WDR4: variants seen among roughly 807,000 people sequenced by gnomAD.
WDR4 encodes tRNA (guanine-N(7)-)-methyltransferase non-catalytic subunit WDR4.
A neutral mutation model predicts 48.6 loss-of-function variants in WDR4; 47 were observed. That is an observed-to-expected ratio of 0.97 (90% CI 0.77 to 1.23). WDR4 has a LOEUF of 1.23. Among genes scored for constraint, WDR4 ranks in the 50% most tolerant of loss-of-function variants. The pLI is 0.00. For missense variants in WDR4, 606 were observed against 551.6 expected, an observed-to-expected ratio of 1.10 and a Z score of -0.99; for synonymous variants, 268 against 230.0, an observed-to-expected ratio of 1.17 and a Z score of -1.49.
At chr21:42,851,069 C>T (rs987232755) in intron 10 of WDR4, among the ~76,000 whole-genome samples, 5 of 152,204 alleles carry the variant, frequency 3.3e-5, no homozygotes, top group African/African-American at 9.6e-5. Context: ...CCCAAGTCTG[C>T]GCCGGGAACA....
Position 42,876,687 on chromosome 21 carries a change from T to C in WDR4, c.155+15A>G, listed in dbSNP as rs777716071. The C allele has an allele frequency of 6.2e-7, 1 of 1,611,880 alleles. No individual in the cohort carries two copies. The highest frequency in any genetic ancestry group is 8.5e-7 in the Non-Finnish European group (1 of 1,179,254). ...CCATTAAAGCAGGCCCTGAAAAAGCTTCCCCACATCTCACCCTTTATTTTC... is the reference window on the plus strand; with the variant it reads ...CCATTAAAGCAGGCCCTGAAAAAGCCTCCCCACATCTCACCCTTTATTTTC... On this transcript the variant is annotated intron_variant, in intron 2 of 10. Coordinates refer to ENST00000398208, the MANE Select transcript of WDR4 (RefSeq NM_018669.6).
chr21:42,855,531 A>T, intron 7 of WDR4, 151 bp downstream of exon 7: 2 of 606,938 alleles, frequency 3.3e-6, no homozygotes, highest in Non-Finnish European at 5.7e-6. Context: ...AGCCACCTTC[A>T]GAATTTGAAA....
intron 1 of WDR4, chr21:42,879,115 G>C: frequency 5.0e-6 from 6 of 1,209,344 alleles, no homozygotes; most frequent in Non-Finnish European, 6.2e-6. Context: ...GCGGAGACCG[G>C]AAGCGACCCG....
chr21:42,864,800 C>T (rs943821993), intron 3 of WDR4, among the ~76,000 whole-genome samples: 1 of 152,202 alleles, frequency 6.6e-6, no homozygotes, highest in African/African-American at 2.4e-5. Flanking sequence ...TTTATGTCCT[C>T]TCCACAAGGC....
At chr21:42,845,835 C>T (rs1299185305), downstream of WDR4, among the ~76,000 whole-genome samples, 1 of 152,184 alleles carries the variant, frequency 6.6e-6, no homozygotes, top group East Asian at 1.9e-4. Flanking sequence ...TACAAATGTT[C>T]CAGAAGACGG....
intron 6 of WDR4, 152 bp downstream of exon 6, chr21:42,859,510 G>T: frequency 1.3e-6 from 1 of 789,560 alleles, no homozygotes; most frequent in Admixed American, 2.5e-5. Flanking sequence ...CCGCAGGCGG[G>T]GAGCGAGCCG....
intron 7 of WDR4, 47 bp downstream of exon 7, chr21:42,855,635 G>A (rs762235945): frequency 1.8e-5 from 25 of 1,392,548 alleles, no homozygotes; most frequent in East Asian, 7.8e-5. Flanking sequence ...GGCGACTGCC[G>A]GTGTCTACAA....
At chr21:42,883,314 CTTTT>C (rs11340340), upstream of WDR4, among the ~76,000 whole-genome samples, 4 of 119,472 alleles carry the variant, frequency 3.3e-5, no homozygotes, top group Non-Finnish European at 4.9e-5. Context: ...AGAAGTTACC[CTTTT>C]TTTTTTTTTT....
intron 11 of WDR4, among the ~76,000 whole-genome samples, chr21:42,844,209 G>A (rs946935760): frequency 7.9e-5 from 12 of 152,190 alleles, no homozygotes; most frequent in African/African-American, 2.9e-4. Context: ...ACCTGGGACT[G>A]CAGGAGGCAG....
chr21:42,866,224 T>C lies in WDR4; in HGVS notation c.297-2628A>G, dbSNP rs575239661. 9.2e-4 allele frequency among the ~76,000 whole-genome samples: 140 copies of C among 152,280 alleles called. 1 individual carries two copies. Among genetic ancestry groups the C allele is most frequent in the African/African-American group, 3.2e-3 (135 of 41,556 alleles). On this transcript the variant is annotated intron_variant, in intron 3 of 10. Coordinates refer to ENST00000398208, the MANE Select transcript of WDR4 (RefSeq NM_018669.6). ...TCCCTCGGGCCAAGAGTCTCCTGACTGCCCAGGTGGCAGGCCCTCCGTCCC... is the reference window on the plus strand; with the variant it reads ...TCCCTCGGGCCAAGAGTCTCCTGACCGCCCAGGTGGCAGGCCCTCCGTCCC...
chr21:42,862,402 A>G lies in WDR4; in HGVS notation c.454-8T>C. The G allele has an allele frequency of 6.3e-7, 1 of 1,592,910 alleles. No individual in the cohort carries two copies. Among genetic ancestry groups the G allele is most frequent in the Non-Finnish European group, 8.6e-7 (1 of 1,169,188 alleles). On this transcript the variant is annotated splice_polypyrimidine_tract_variant and splice_region_variant and intron_variant, in intron 4 of 10. Coordinates refer to ENST00000398208, the MANE Select transcript of WDR4 (RefSeq NM_018669.6). The surrounding 1 kb of genome is among the most constrained non-coding windows in gnomAD (Gnocchi z 4.3). Reference sequence around the variant, plus strand: ...GTCATCAGGACTCACAGCCTGCATCACCAGGGGCCAGAAAAGAAAAAGCCG... The same window carrying G: ...GTCATCAGGACTCACAGCCTGCATCGCCAGGGGCCAGAAAAGAAAAAGCCG...
At chr21:42,859,771 G>A (rs2058075080) in intron 5 of WDR4, 49 bp from the exon 6 acceptor site, 1 of 1,545,242 alleles carries the variant, frequency 6.5e-7, no homozygotes, top group South Asian at 1.2e-5. Context: ...AGCGCCCGCA[G>A]GGACCGGGAG....
upstream of WDR4, chr21:42,879,974 A>T (rs1399711568): frequency 5.1e-6 from 2 of 393,502 alleles, no homozygotes; most frequent in Non-Finnish European, 9.0e-6. Flanking sequence ...TACTAAAAGT[A>T]CAAAAATTTG....
the WDR4 span, among the ~76,000 whole-genome samples, chr21:42,892,837 C>T: frequency 6.6e-6 from 1 of 152,322 alleles, no homozygotes; most frequent in East Asian, 1.9e-4. Context: ...GAGCTGGGCG[C>T]GTGGTGTGGG....
intron 1 of WDR4, among the ~76,000 whole-genome samples, chr21:42,877,364 A>G (rs1426964365): frequency 6.7e-6 from 1 of 150,278 alleles, no homozygotes; most frequent in Non-Finnish European, 1.5e-5. Flanking sequence ...GGCTGGTCTC[A>G]AGCTCCTGAC....
At chr21:42,864,632 A>G (rs987899664) in intron 3 of WDR4, among the ~76,000 whole-genome samples, 3 of 152,096 alleles carry the variant, frequency 2.0e-5, no homozygotes, top group African/African-American at 7.2e-5. Flanking sequence ...CCCGACCCAG[A>G]GTCATGGATG....
intron 10 of WDR4, 106 bp downstream of exon 10, chr21:42,852,149 T>C (rs1248625331): frequency 2.5e-6 from 3 of 1,205,364 alleles, no homozygotes; most frequent in Admixed American, 3.8e-5. Context: ...TCTCCCTCTT[T>C]ATCTGCACAC....
intron 2 of WDR4, among the ~76,000 whole-genome samples, chr21:42,873,912 T>C (rs561573887): frequency 2.0e-5 from 3 of 152,260 alleles, no homozygotes; most frequent in East Asian, 1.9e-4. Flanking sequence ...CCAGCATACA[T>C]GCCAGAACCC....
rs1327217633 is a variant in WDR4, at chr21:42,849,943, C to G, written c.*106G>C. 3 of 1,431,326 alleles carry G rather than the reference C, an allele frequency of 2.1e-6. No homozygotes were observed. The allele number at this position is 1,431,326 out of a possible 1,614,324, so 88.7% of individuals were successfully genotyped here. On this transcript the variant is annotated 3_prime_UTR_variant, in exon 11 of 11. Transcript: ENST00000398208. Reference sequence around the variant, plus strand: ...ACAGCCCCATCCTCTGAGCTGGTCACAACTGATGTCACCTTTTCCTTCTTG... The same window carrying G: ...ACAGCCCCATCCTCTGAGCTGGTCAGAACTGATGTCACCTTTTCCTTCTTG...
Sources: allele counts gnomAD v4.1 joint callset (sites outside exome capture counted in the v4.1 genomes callset), GRCh38; gene constraint gnomAD v4.1.1; non-coding constraint Gnocchi (gnomAD v3.1); transcripts MANE v1.5; gene names NCBI Gene and HGNC (gene_info 2026-07-23, HGNC 2026-07-21).